HSD17B14: variants seen among roughly 807,000 people sequenced by gnomAD.
HSD17B14 encodes hydroxysteroid 17-beta dehydrogenase 14.
A neutral mutation model predicts 32.2 loss-of-function variants in HSD17B14; 32 were observed. The observed-to-expected ratio is 0.99, with a 90% CI of 0.75 to 1.33. The LOEUF (loss-of-function observed/expected upper bound fraction) is 1.33. Ranked by LOEUF, HSD17B14 falls within the 40% of genes most tolerant of loss-of-function variation. The pLI is 0.00. For synonymous variants in HSD17B14, 140 were observed against 155.4 expected (o/e 0.90, Z 0.74); for missense variants, 370 against 366.5 (o/e 1.01, Z -0.08).
chr19:48,835,933 C>A, intron 1 of HSD17B14, 90 bp from the exon 2 acceptor site: 1 of 1,177,968 alleles, frequency 8.5e-7, no homozygotes, highest in Non-Finnish European at 1.2e-6. Flanking sequence ...GGCTGATCTC[C>A]CTCTCCCCTC....
chr19:48,827,524 T>C (rs558108793), intron 5 of HSD17B14, among the ~76,000 whole-genome samples: 1 of 151,908 alleles, frequency 6.6e-6, no homozygotes, highest in Admixed American at 6.6e-5. Flanking sequence ...AGGGAAAGGC[T>C]TTGATGTGTG....
At chr19:48,832,453 A>G (rs1420052144) in intron 4 of HSD17B14, among the ~76,000 whole-genome samples, 1 of 152,164 alleles carries the variant, frequency 6.6e-6, no homozygotes, top group East Asian at 1.9e-4. Context: ...AAGTGAGGGC[A>G]CAGCCCTGGG....
chr19:48,826,558 C>T lies in HSD17B14; in HGVS notation c.369+5110G>A, dbSNP rs1330528321. ...ATATATATATACACACACACACACA[C>T]ACACACACACACACACATATATTAA... On this transcript the variant is annotated intron_variant, in intron 5 of 8. Transcript: ENST00000263278. Among the ~76,000 whole-genome samples the T allele has an allele frequency of 5.7e-4, 42 of 73,170 alleles. 1 individual carries two copies. In the East Asian group the frequency reaches 9.9e-3, roughly 17 times the overall value. 48.0% of individuals were successfully genotyped at this position (73,170 alleles called of 152,430 possible). A position where few individuals can be genotyped will look rare whatever the true frequency, so the allele number is the denominator to read the frequency against.
chr19:48,833,660 C>T (rs1284588856), intron 3 of HSD17B14, among the ~76,000 whole-genome samples: 1 of 152,060 alleles, frequency 6.6e-6, no homozygotes, highest in Non-Finnish European at 1.5e-5. Flanking sequence ...AACACCGTCT[C>T]TACTAAAAAT....
chr19:48,814,739 G>A (rs2035021416), intron 6 of HSD17B14, among the ~76,000 whole-genome samples: 1 of 151,816 alleles, frequency 6.6e-6, no homozygotes, highest in Non-Finnish European at 1.5e-5. Context: ...AGCTACTCGG[G>A]AGGCTGAGTC....
At chr19:48,826,542 T>TATATATACACACACAC in intron 5 of HSD17B14, among the ~76,000 whole-genome samples, 5 of 80,120 alleles carry the variant, frequency 6.2e-5, no homozygotes, top group African/African-American at 2.1e-4. Flanking sequence ...TATATATATA[T>TATATATACACACACAC]ACACACACAC....
At chr19:48,817,174 A>T (rs2035071457) in intron 5 of HSD17B14, among the ~76,000 whole-genome samples, 3 of 63,674 alleles carry the variant, frequency 4.7e-5, no homozygotes, top group Admixed American at 1.8e-4. Flanking sequence ...ACAACAAAAA[A>T]ATATTTTTTG....
At chr19:48,835,864 G>C in intron 1 of HSD17B14, 21 bp from the exon 2 acceptor site, 2 of 1,613,002 alleles carry the variant, frequency 1.2e-6, no homozygotes, top group Non-Finnish European at 1.7e-6. Context: ...GAAGGGAACA[G>C]GTTACTCTCC....
chr19:48,830,487 C>G (rs1182454033), intron 5 of HSD17B14, among the ~76,000 whole-genome samples: 2 of 151,978 alleles, frequency 1.3e-5, no homozygotes, highest in Admixed American at 1.3e-4. Flanking sequence ...CCTTTCTAAA[C>G]CAAAGTATAA....
intron 5 of HSD17B14, among the ~76,000 whole-genome samples, chr19:48,816,986 C>A (rs1292223340): frequency 6.9e-6 from 1 of 144,504 alleles, no homozygotes; most frequent in Admixed American, 7.0e-5. Flanking sequence ...CAGGCATGTG[C>A]CCCCACACCA....
At chr19:48,817,047 A>G (rs1433756537) in intron 5 of HSD17B14, among the ~76,000 whole-genome samples, 2 of 126,372 alleles carry the variant, frequency 1.6e-5, no homozygotes, top group African/African-American at 6.2e-5. Flanking sequence ...GGGTTTCACT[A>G]TATTAGCCAG....
chr19:48,835,833 C>A lies in HSD17B14; in HGVS notation c.99G>T (p.Gly33=), dbSNP rs147094913. The change falls in exon 2 of 9, where the codon GGG becomes GGT. Residue 33 remains glycine (G), a synonymous_variant. Transcript: ENST00000263278. ...AGIVRAFVNS[G]ARVVICDKDE... ...CCTTGTCGCAGATAACCACTCGGGC[C>A]CCGCTGTTCACTGAGAATAGGAAGG... 1 of 1,613,460 alleles carries A rather than the reference C, an allele frequency of 6.2e-7. No individual in the cohort carries two copies. Among genetic ancestry groups the A allele is most frequent in the Admixed American group, 1.7e-5 (1 of 59,948 alleles).
chr19:48,813,274 G>A lies in HSD17B14; in HGVS notation c.714C>T (p.Cys238=). 6.2e-7 allele frequency: 1 copy of A among 1,605,936 alleles called. No homozygotes were observed. Among genetic ancestry groups the A allele is most frequent in the Non-Finnish European group, 8.5e-7 (1 of 1,176,352 alleles). The change falls in exon 9 of 9, where the codon TGC becomes TGT. Residue 238 remains cysteine, a synonymous_variant. Transcript: ENST00000263278. ...CCGTCACGAGCAGTTCAATGCCCGT[G>A]CAGAAGTTGGCTTCGGAGGCCAGGA... The part of the protein sequence containing the change: ...AVFLASEANF[C]TGIELLVTGG...
At chr19:48,817,838 T>A (rs1441702207) in intron 5 of HSD17B14, among the ~76,000 whole-genome samples, 1 of 152,214 alleles carries the variant, frequency 6.6e-6, no homozygotes, top group African/African-American at 2.4e-5. Context: ...AACATTCTCC[T>A]GTACCTACAA....
Position 48,836,446 on chromosome 19 carries a change from G to A in HSD17B14, c.-35C>T. On this transcript the variant is annotated 5_prime_UTR_variant, in exon 1 of 9. An upstream open reading frame in the 5' UTR gains an earlier in-frame stop. Transcript: ENST00000263278. ...GTCGGTCTCTCTCTCTCTCTACTCT[G>A]GGCCTCTTTCACCTCCAAAGCCCCG... 6.2e-7 allele frequency: 1 copy of A among 1,604,404 alleles called. No individual in the cohort carries two copies. The highest frequency in any genetic ancestry group is 8.5e-7 in the Non-Finnish European group (1 of 1,173,562).
chr19:48,822,853 T>C (rs571183810), intron 5 of HSD17B14, among the ~76,000 whole-genome samples: 13 of 151,892 alleles, frequency 8.6e-5, no homozygotes, highest in African/African-American at 3.1e-4. Flanking sequence ...GTGTTGATGG[T>C]GATGGTGGTG....
At chr19:48,828,203 T>C (rs1468555632) in intron 5 of HSD17B14, among the ~76,000 whole-genome samples, 1 of 152,128 alleles carries the variant, frequency 6.6e-6, no homozygotes, top group Non-Finnish European at 1.5e-5. Flanking sequence ...GAGGCGGTGA[T>C]TACAAAAGTT....
intron 4 of HSD17B14, 106 bp downstream of exon 4, chr19:48,832,560 T>A (rs1422836026): frequency 2.0e-6 from 2 of 976,298 alleles, no homozygotes; most frequent in Middle Eastern, 2.3e-4. Flanking sequence ...GAAAGAGGTA[T>A]GAGGCAGGAT....
intron 5 of HSD17B14, among the ~76,000 whole-genome samples, chr19:48,826,044 T>C (rs2035239750): frequency 6.6e-6 from 1 of 151,728 alleles, no homozygotes; most frequent in Non-Finnish European, 1.5e-5. Flanking sequence ...ATGGTCTCGA[T>C]CTCCTGACCT....
Sources: allele counts gnomAD v4.1 joint callset (sites outside exome capture counted in the v4.1 genomes callset), GRCh38; gene constraint gnomAD v4.1.1; transcripts MANE v1.5; gene names NCBI Gene and HGNC (gene_info 2026-07-23, HGNC 2026-07-21).